GEMIN5: variants seen among roughly 807,000 people sequenced by gnomAD.
GEMIN5 encodes gem nuclear organelle associated protein 5, also known as gem-associated protein 5.
Under a neutral mutation model 176.9 loss-of-function variants are expected in GEMIN5, and 124 were observed. That is an observed-to-expected ratio of 0.70 (90% CI 0.61 to 0.81). The LOEUF (loss-of-function observed/expected upper bound fraction) is 0.81, where lower values mean the gene tolerates loss of function less well. Among genes scored for constraint, GEMIN5 ranks in the 40% least tolerant of loss-of-function variants. The probability of loss-of-function intolerance (pLI) is 0.00; values close to 1 mark genes in which losing one functional copy is unlikely to be tolerated. For synonymous variants in GEMIN5, 673 were observed against 665.2 expected (o/e 1.01, Z -0.18); for missense variants, 1,843 against 1,814.6 (o/e 1.02, Z -0.28).
intron 7 of GEMIN5, 26 bp from the exon 8 acceptor site, chr5:154,926,100 A>C: frequency 6.9e-7 from 1 of 1,444,634 alleles, no homozygotes; most frequent in Non-Finnish European, 9.7e-7. Context: ...GTAAGGGCCT[A>C]AACATAAAAA....
Position 154,889,335 on chromosome 5 carries a change from G to A in GEMIN5, c.4345C>T (p.Pro1449Ser), listed in dbSNP as rs865946787. The A allele has an allele frequency of 1.5e-5, 23 of 1,584,656 alleles. No homozygotes were observed. The highest frequency in any genetic ancestry group is 2.0e-5 in the Non-Finnish European group (23 of 1,153,322). The change falls in exon 27 of 28, where the codon CCT becomes TCT. Residue 1449 changes from proline to serine, a missense_variant. Pro to Ser is a moderately conservative substitution (Grantham distance 74). Coordinates refer to ENST00000285873, the MANE Select transcript of GEMIN5 (RefSeq NM_015465.5). ...TTAACTCTTACCTTAATGCTCTCAG[G>A]AAATTTCGCCATTCTCTGATTTGCC... ...TEANQRMAKF[P>S]ESIKAWPFPD...
In GEMIN5 at chr5:154,920,977, T is replaced by G. The variant is rs192882205; in HGVS notation, c.1462+366A>C. Among the ~76,000 whole-genome samples, 37 of 152,310 alleles carry G rather than the reference T, an allele frequency of 2.4e-4. 1 individual carries two copies. The highest frequency in any genetic ancestry group is 2.4e-3 in the Admixed American group (37 of 15,288). On this transcript the variant is annotated intron_variant, in intron 10 of 27. Coordinates refer to ENST00000285873, the MANE Select transcript of GEMIN5 (RefSeq NM_015465.5). The stretch of plus-strand genomic sequence containing the variant: ...TGGGTGAAAATAGATATTATTCCAT[T>G]AATATACTGAAGTATCATTCTAATT...
intron 15 of GEMIN5, among the ~76,000 whole-genome samples, chr5:154,910,939 C>T (rs1763687317): frequency 6.6e-6 from 1 of 152,118 alleles, no homozygotes; most frequent in Non-Finnish European, 1.5e-5. Flanking sequence ...ACCTTGTGAT[C>T]CGCCCATCTC....
rs1329620750 is a variant in GEMIN5 at position 154,938,004 on chromosome 5, C to A, written c.130G>T (p.Gly44Cys). ...TSVFLVRVGP[G>C]AGESPGTPPF... ...GGTGTCCCTGGACTCTCGCCTGCGC[C>A]CGGGCCCACGCGGACAAGGAAGACG... Residue 44 changes from glycine to cysteine, a missense_variant, in exon 1 of 28, where the codon GGC (glycine) becomes TGC (cysteine). Gly to Cys is a radical substitution (Grantham distance 159). Coordinates refer to ENST00000285873, the MANE Select transcript of GEMIN5 (RefSeq NM_015465.5). 19 of 1,571,454 alleles carry A rather than the reference C, an allele frequency of 1.2e-5. No individual in the cohort carries two copies. The Admixed American group carries it at 2.7e-4, about 23-fold the overall frequency.
chr5:154,923,361 GAAGAGCGAAACTCTGTCTCCA>G (rs2113499993), intron 9 of GEMIN5, among the ~76,000 whole-genome samples: 1 of 151,780 alleles, frequency 6.6e-6, no homozygotes, highest in East Asian at 1.9e-4. Flanking sequence ...GCCTGGGCAA[GAAGAGCGAAACTCTGTCTCCA>G]AAAAAAAAAG....
intron 13 of GEMIN5, among the ~76,000 whole-genome samples, chr5:154,916,052 T>A (rs56895891): frequency 0.1 from 15,967 of 152,136 alleles, 961 homozygotes; most frequent in Admixed American, 0.16. Flanking sequence ...CTGTTTTTTT[T>A]TTAATTTTTA....
In GEMIN5 at chr5:154,938,062, G is replaced by C. The variant is rs763451370; in HGVS notation, c.72C>G (p.Pro24=). The change falls in exon 1 of 28, where the codon CCC becomes CCG. Residue 24 remains proline, a synonymous_variant. Coordinates refer to ENST00000285873, the MANE Select transcript of GEMIN5 (RefSeq NM_015465.5). ...GCGCGGCGAAGCCAAAGAGGCCCCCGGGCACGGCATCGCTGCAGCGGGCGC... is the reference window on the plus strand; with the variant it reads ...GCGCGGCGAAGCCAAAGAGGCCCCCCGGCACGGCATCGCTGCAGCGGGCGC... ...WYCARCSDAV[P]GGLFGFAART... is the part of the protein sequence containing the mutation. 16 of 1,531,404 alleles carry C rather than the reference G, an allele frequency of 1.0e-5. No individual in the cohort carries two copies. Among genetic ancestry groups the C allele is most frequent in the Admixed American group, 4.3e-5 (2 of 47,044 alleles). 94.9% of individuals were successfully genotyped at this position (1,531,404 alleles called of 1,614,324 possible). A position where few individuals can be genotyped will look rare whatever the true frequency, so the allele number is the denominator to read the frequency against.
At chr5:154,919,856 G>T (rs886647308) in intron 11 of GEMIN5, 111 bp downstream of exon 11, 8 of 896,816 alleles carry the variant, frequency 8.9e-6, no homozygotes, top group Non-Finnish European at 1.4e-5. Context: ...TAAGAAATCT[G>T]ACTTAGTATG....
chr5:154,906,681 G>GTC (rs1383811170), intron 16 of GEMIN5, among the ~76,000 whole-genome samples: 1 of 152,158 alleles, frequency 6.6e-6, no homozygotes, highest in East Asian at 1.9e-4. Flanking sequence ...AGAGGTATGT[G>GTC]TCTCTGTACC....
Position 154,907,603 on chromosome 5 carries a change from G to A in GEMIN5, c.2383C>T (p.Leu795Phe). The change falls in exon 16 of 28, where the codon CTT becomes TTT. Residue 795 changes from leucine to phenylalanine, a missense_variant. By Grantham distance (22) the Leu-to-Phe change is conservative (BLOSUM62 0). Coordinates refer to ENST00000285873, the MANE Select transcript of GEMIN5 (RefSeq NM_015465.5). Reference sequence around the variant, plus strand: ...TTCTGCCACATACCCGCTGGAGCAAGGCCACAGGGTAATTCCGGCTCCCGT... The same window carrying A: ...TTCTGCCACATACCCGCTGGAGCAAAGCCACAGGGTAATTCCGGCTCCCGT... Reference protein sequence around the residue: ...QAREPELPCGLAPAVSREPVI... With the variant: ...QAREPELPCGFAPAVSREPVI... 2.5e-6 allele frequency: 4 copies of A among 1,613,176 alleles called. No individual in the cohort carries two copies. Among genetic ancestry groups the A allele is most frequent in the Non-Finnish European group, 2.5e-6 (3 of 1,179,130 alleles).
In GEMIN5 at chr5:154,918,000, T is replaced by C. The variant is rs1482447472; in HGVS notation, c.1604A>G (p.Lys535Arg). 6.2e-7 allele frequency: 1 copy of C among 1,607,684 alleles called. No homozygotes were observed. Among genetic ancestry groups the C allele is most frequent in the Non-Finnish European group, 8.5e-7 (1 of 1,174,350 alleles). ...LIRDTNSIKY[K>R]LPVHTEISWK... The stretch of plus-strand genomic sequence containing the variant: ...ACTTATCTCTGTGTGTACAGGCAAT[T>C]TGTACTAGAAAGCAAAACAAACCAA... The change falls in exon 12 of 28, where the codon AAA becomes AGA. Residue 535 changes from lysine to arginine, a missense_variant. Coordinates refer to ENST00000285873, the MANE Select transcript of GEMIN5 (RefSeq NM_015465.5).
At position 154,927,507 on chromosome 5, in the gene GEMIN5, T is replaced by C; in HGVS notation, c.958A>G (p.Lys320Glu). The C allele has an allele frequency of 1.9e-6, 3 of 1,611,256 alleles. No individual in the cohort carries two copies. Among genetic ancestry groups the C allele is most frequent in the Non-Finnish European group, 2.5e-6 (3 of 1,177,464 alleles). Residue 320 changes from lysine to glutamate, a missense_variant, in exon 7 of 28, where the codon AAA becomes GAA. Coordinates refer to ENST00000285873, the MANE Select transcript of GEMIN5 (RefSeq NM_015465.5). ...GATGAGGCACTGAAGAGGGTGTATT[T>C]CCGTCTCCAAGATTGAGTGAGATCC... ...QWDLTQSWRR[K>E]YTLFSASSEG...
intron 24 of GEMIN5, among the ~76,000 whole-genome samples, chr5:154,892,907 G>A (rs565881010): frequency 3.3e-5 from 5 of 152,132 alleles, no homozygotes; most frequent in African/African-American, 4.8e-5. Context: ...GACCAGCCTG[G>A]CCAACATGGT....
intron 11 of GEMIN5, among the ~76,000 whole-genome samples, 166 bp from the exon 12 acceptor site, chr5:154,918,170 T>G (rs905373091): frequency 2.0e-5 from 3 of 152,172 alleles, no homozygotes; most frequent in Non-Finnish European, 2.9e-5. Context: ...GAACATGCAT[T>G]CTAATTCTCA....
intron 16 of GEMIN5, among the ~76,000 whole-genome samples, chr5:154,906,926 A>T (rs967221304): frequency 3.9e-5 from 6 of 152,200 alleles, no homozygotes; most frequent in Non-Finnish European, 5.9e-5. Flanking sequence ...TTATTTTACC[A>T]GGGACCAGAT....
chr5:154,888,855 T>TTTTTGTTTTG (rs113234818), intron 27 of GEMIN5, among the ~76,000 whole-genome samples: 1 of 148,756 alleles, frequency 6.7e-6, no homozygotes, highest in African/African-American at 2.5e-5. Context: ...AAATTCTTTT[T>TTTTTGTTTTG]TTTTGTTTTG....
intron 11 of GEMIN5, among the ~76,000 whole-genome samples, chr5:154,918,860 A>ATGG (rs1763863649): frequency 1.3e-5 from 2 of 152,030 alleles, no homozygotes; most frequent in Admixed American, 6.6e-5. Context: ...CCTGGCCAAC[A>ATGG]TGGTGAAACC....
At chr5:154,896,069 A>G (rs1302571133) in intron 24 of GEMIN5, 23 bp downstream of exon 24, 1 of 1,609,616 alleles carries the variant, frequency 6.2e-7, no homozygotes, top group Admixed American at 1.7e-5. Context: ...GATTAATGTC[A>G]AATGCTGGTA....
intron 13 of GEMIN5, among the ~76,000 whole-genome samples, chr5:154,914,608 G>A (rs1487681902): frequency 6.6e-6 from 1 of 151,546 alleles, no homozygotes; most frequent in African/African-American, 2.4e-5. Context: ...CCAACTCCTG[G>A]GCTCAAGGGA....
Sources: allele counts gnomAD v4.1 joint callset (sites outside exome capture counted in the v4.1 genomes callset), GRCh38; gene constraint gnomAD v4.1.1; transcripts MANE v1.5; gene names NCBI Gene and HGNC (gene_info 2026-07-23, HGNC 2026-07-21).